The following HBS1L variants were observed in gnomAD, a reference collection of about 807,000 sequenced individuals.
HBS1L encodes HBS1 like translational GTPase.
HBS1L carries 55 observed loss-of-function variants against 88.9 expected under a neutral mutation model. The observed-to-expected ratio is 0.62, with a 90% CI of 0.50 to 0.77. The LOEUF (loss-of-function observed/expected upper bound fraction) is 0.77, where lower values mean the gene tolerates loss of function less well. HBS1L is among the 30% of genes least tolerant of loss of function. The pLI, the probability that HBS1L is intolerant of heterozygous loss-of-function variation, is 0.00. For synonymous variants in HBS1L, 267 were observed against 288.5 expected (o/e 0.93, Z 0.76); for missense variants, 741 against 829.3 (o/e 0.89, Z 1.31).
chr6:135,022,353 A>G (rs1180905120), intron 4 of HBS1L, among the ~76,000 whole-genome samples: 2 of 152,090 alleles, frequency 1.3e-5, no homozygotes, highest in African/African-American at 4.8e-5. Context: ...TAATGTCAAA[A>G]GAAGACTCTA....
At chr6:134,979,656 T>C (rs942131717) in intron 13 of HBS1L, among the ~76,000 whole-genome samples, 1 of 152,098 alleles carries the variant, frequency 6.6e-6, no homozygotes. Flanking sequence ...AAAGATGGGC[T>C]GGAGAAGATG....
At chr6:134,985,558 T>C (rs948637689) in intron 11 of HBS1L, 149 bp from the exon 12 acceptor site, 59 of 529,340 alleles carry the variant, frequency 1.1e-4, no homozygotes, top group Admixed American at 1.4e-4. Flanking sequence ...AATATACACA[T>C]TGAGCATCCC....
intron 2 of HBS1L, among the ~76,000 whole-genome samples, chr6:135,043,202 T>C (rs983454686): frequency 6.6e-6 from 1 of 152,240 alleles, no homozygotes; most frequent in Non-Finnish European, 1.5e-5. Context: ...GGATGGCCAC[T>C]GAACTGAATC....
At position 134,962,108 on chromosome 6, in the gene HBS1L, T is replaced by A. The variant is rs565399169; in HGVS notation, c.*3171A>T. On this transcript the variant is annotated 3_prime_UTR_variant, in exon 18 of 18. Coordinates refer to ENST00000367837, the MANE Select transcript of HBS1L (RefSeq NM_006620.4). ...GAATGTTTTTCTACTTACATATTTCTATAAATATTTTAGAGGGAAATTAGA... is the reference window on the plus strand; with the variant it reads ...GAATGTTTTTCTACTTACATATTTCAATAAATATTTTAGAGGGAAATTAGA... 1 of 152,336 alleles carries A rather than the reference T, an allele frequency of 6.6e-6. No individual in the cohort carries two copies. The highest frequency in any genetic ancestry group is 2.1e-4 in the South Asian group (1 of 4,830). The allele number at this position is 152,336 out of a possible 1,614,324, so 9.4% of individuals were successfully genotyped here. A position where few individuals can be genotyped will look rare whatever the true frequency, so the allele number is the denominator to read the frequency against.
chr6:134,960,516 TTA>T lies in HBS1L; in HGVS notation c.*4761_*4762del, dbSNP rs1240024229. ...TTCTAATAAATTTCATTATGCATTT[TTA>T]TGTCATTTGGTACAGTTTTATTGTG... On this transcript the variant is annotated 3_prime_UTR_variant, in exon 18 of 18. Coordinates refer to ENST00000367837, the MANE Select transcript of HBS1L (RefSeq NM_006620.4). 2 of 152,186 alleles carry T rather than the reference TTA, an allele frequency of 1.3e-5. No individual in the cohort carries two copies. Among genetic ancestry groups the T allele is most frequent in the Non-Finnish European group, 2.9e-5 (2 of 67,986 alleles). 9.4% of individuals were successfully genotyped at this position (152,186 alleles called of 1,614,324 possible). A position where few individuals can be genotyped will look rare whatever the true frequency, so the allele number is the denominator to read the frequency against.
Position 134,965,162 on chromosome 6 carries a change from C to T in HBS1L, c.*117G>A. The T allele has an allele frequency of 1.2e-6, 1 of 863,812 alleles. No homozygotes were observed. The highest frequency in any genetic ancestry group is 1.9e-6 in the Non-Finnish European group (1 of 524,860). The allele number at this position is 863,812 out of a possible 1,614,324, so 53.5% of individuals were successfully genotyped here. A position where few individuals can be genotyped will look rare whatever the true frequency, so the allele number is the denominator to read the frequency against. On this transcript the variant is annotated 3_prime_UTR_variant, in exon 18 of 18. Coordinates refer to ENST00000367837, the MANE Select transcript of HBS1L (RefSeq NM_006620.4). ...GCAGCTAATTTTAGCTTTAATTTTTCTCTCTCATCTAAAAACATATCAATT... is the reference window on the plus strand; with the variant it reads ...GCAGCTAATTTTAGCTTTAATTTTTTTCTCTCATCTAAAAACATATCAATT...
At chr6:134,983,229 G>A (rs557141449) in intron 12 of HBS1L, 7 of 152,212 alleles carry the variant, frequency 4.6e-5, no homozygotes, top group African/African-American at 1.7e-4. Context: ...ATAGGCAAGG[G>A]AGAAATAATA....
intron 15 of HBS1L, among the ~76,000 whole-genome samples, chr6:134,969,750 T>A (rs1231038649): frequency 6.6e-6 from 1 of 152,034 alleles, no homozygotes; most frequent in Non-Finnish European, 1.5e-5. Context: ...CAACTCTTTC[T>A]CTTCTGTCTG....
At chr6:135,004,918 G>A (rs1023053048) in intron 4 of HBS1L, among the ~76,000 whole-genome samples, 2 of 152,112 alleles carry the variant, frequency 1.3e-5, no homozygotes, top group Non-Finnish European at 2.9e-5. Flanking sequence ...AGTGGTCCTA[G>A]GAGGCCTTGG....
At chr6:134,993,044 C>T (rs7741626) in intron 8 of HBS1L, among the ~76,000 whole-genome samples, 71,996 of 151,978 alleles carry the variant, frequency 0.47, 17,300 homozygotes, top group South Asian at 0.56. Flanking sequence ...ACCACTGTGC[C>T]ACAACTGCTT....
At chr6:135,029,258 T>G (rs952109249) in intron 4 of HBS1L, among the ~76,000 whole-genome samples, 1 of 152,098 alleles carries the variant, frequency 6.6e-6, no homozygotes, top group Non-Finnish European at 1.5e-5. Context: ...ATCTATCTTC[T>G]AACAAATGAC....
Position 134,996,773 on chromosome 6 carries a change from C to G in HBS1L, c.965+4G>C, listed in dbSNP as rs750038966. The G allele has an allele frequency of 6.3e-7, 1 of 1,582,384 alleles. No homozygotes were observed. The highest frequency in any genetic ancestry group is 8.6e-7 in the Non-Finnish European group (1 of 1,168,054). Reference sequence around the variant, plus strand: ...AACTGAAAATTTTGAAATATAGTGACTACCTTTCCCTTTCTTCGCCAGTTT... The same window carrying G: ...AACTGAAAATTTTGAAATATAGTGAGTACCTTTCCCTTTCTTCGCCAGTTT... On this transcript the variant is annotated splice_donor_region_variant and intron_variant, in intron 7 of 17. Transcript: ENST00000367837.
intron 4 of HBS1L, among the ~76,000 whole-genome samples, chr6:135,021,775 A>C (rs1290830622): frequency 1.3e-5 from 2 of 152,188 alleles, no homozygotes; most frequent in Non-Finnish European, 2.9e-5. Context: ...CTGGCTTCTT[A>C]ACACCTACGT....
At chr6:135,004,564 C>T (rs1003702422) in intron 4 of HBS1L, among the ~76,000 whole-genome samples, 1 of 152,054 alleles carries the variant, frequency 6.6e-6, no homozygotes, top group African/African-American at 2.4e-5. Flanking sequence ...CCAGACAGTG[C>T]AGGACCTTTA....
At position 134,966,311 on chromosome 6, in the gene HBS1L, C is replaced by A; in HGVS notation, c.2043+18G>T. ...TCATAACTATGGATATATAATGAGTCACTTTAAAATAAAATACCTCAGTGA... is the reference window on the plus strand; with the variant it reads ...TCATAACTATGGATATATAATGAGTAACTTTAAAATAAAATACCTCAGTGA... On this transcript the variant is annotated intron_variant, in intron 17 of 17. Coordinates refer to ENST00000367837, the MANE Select transcript of HBS1L (RefSeq NM_006620.4). 6.3e-7 allele frequency: 1 copy of A among 1,598,402 alleles called. No homozygotes were observed. The highest frequency in any genetic ancestry group is 1.1e-5 in the South Asian group (1 of 87,748).
chr6:135,005,806 T>C (rs948487471), intron 4 of HBS1L, among the ~76,000 whole-genome samples: 2 of 152,208 alleles, frequency 1.3e-5, no homozygotes, highest in Admixed American at 6.5e-5. Flanking sequence ...GCTTTGCATG[T>C]TTAGGAACTG....
intron 17 of HBS1L, among the ~76,000 whole-genome samples, chr6:134,965,778 C>A (rs544385369): frequency 3.0e-4 from 45 of 152,296 alleles, no homozygotes; most frequent in African/African-American, 1.1e-3. Context: ...CCACCCCACA[C>A]CGCCTTCCAT....
chr6:134,997,618 G>C lies in HBS1L; in HGVS notation c.578C>G (p.Pro193Arg), dbSNP rs1330434528. ...SEENGHSFHT[P>R]QKGPPIEDAI... Reference sequence around the variant, plus strand: ...ATCTTCAATGGGCGGTCCTTTTTGAGGTGTGTGGAAACTATGACCATTTTC... The same window carrying C: ...ATCTTCAATGGGCGGTCCTTTTTGACGTGTGTGGAAACTATGACCATTTTC... The change falls in exon 6 of 18, where the codon CCT (proline) becomes CGT (arginine). Residue 193 changes from proline to arginine, a missense_variant. This residue lies in a region of HBS1L where 556 missense variants were observed against 598.4 expected (regional missense o/e 0.93). Transcript: ENST00000367837. 4.3e-6 allele frequency: 7 copies of C among 1,613,788 alleles called. No homozygotes were observed. The African/African-American group carries it at 5.3e-5, about 12-fold the overall frequency.
intron 14 of HBS1L, 62 bp downstream of exon 14, chr6:134,979,116 T>C (rs1774740069): frequency 1.7e-6 from 2 of 1,174,534 alleles, no homozygotes; most frequent in South Asian, 2.5e-5. Flanking sequence ...GCAAAATATA[T>C]GTGTTTAGAG....
Sources: allele counts gnomAD v4.1 joint callset (sites outside exome capture counted in the v4.1 genomes callset), GRCh38; gene constraint gnomAD v4.1.1; regional missense constraint gnomAD v4.1.1; transcripts MANE v1.5; gene names NCBI Gene and HGNC (gene_info 2026-07-23, HGNC 2026-07-21).